KIRREL3: variants seen among roughly 807,000 people sequenced by gnomAD.
KIRREL3 encodes kirre like nephrin family adhesion molecule 3.
In KIRREL3, 36 loss-of-function variants were observed where a neutral mutation model predicts 89.7. That is an observed-to-expected ratio of 0.40 (90% CI 0.31 to 0.53). The LOEUF (loss-of-function observed/expected upper bound fraction) is 0.53, where lower values mean the gene tolerates loss of function less well. Among genes scored for constraint, KIRREL3 ranks in the 20% least tolerant of loss-of-function variants. The pLI, the probability that KIRREL3 is intolerant of heterozygous loss-of-function variation, is 0.49. For missense variants in KIRREL3, 864 were observed against 1,056.6 expected, an observed-to-expected ratio of 0.82 and a Z score of 2.53; for synonymous variants, 445 against 441.4, an observed-to-expected ratio of 1.01 and a Z score of -0.10.
Position 126,594,505 on chromosome 11 carries a change from A to G in KIRREL3, c.56-31593T>C, listed in dbSNP as rs1182069501. ...CTCCTTCCACTTTTTTCGCTGTGTA[A>G]CTTTAGAATTCCTTTAGCCTCGTTT... On this transcript the variant is annotated intron_variant, in intron 1 of 16. Transcript: ENST00000525144. This position sits in a 1 kb window ranked among gnomAD's most constrained non-coding sequence, Gnocchi z 5.0. 1.3e-5 allele frequency among the ~76,000 whole-genome samples: 2 copies of G among 152,148 alleles called. No individual in the cohort carries two copies. Among genetic ancestry groups the G allele is most frequent in the African/African-American group, 2.4e-5 (1 of 41,416 alleles).
chr11:126,500,469 G>A (rs764329374), intron 4 of KIRREL3, among the ~76,000 whole-genome samples: 2 of 152,222 alleles, frequency 1.3e-5, no homozygotes, highest in Non-Finnish European at 2.9e-5. Flanking sequence ...GCTGGACACA[G>A]TGGCTCATGC....
At chr11:126,850,189 G>C (rs1182568049) in intron 1 of KIRREL3, among the ~76,000 whole-genome samples, 1 of 152,162 alleles carries the variant, frequency 6.6e-6, no homozygotes, top group East Asian at 1.9e-4. Context: ...GAGCACTTTG[G>C]AATTTCCAAA....
chr11:126,467,114 G>A (rs535101665), intron 5 of KIRREL3, among the ~76,000 whole-genome samples: 33 of 152,382 alleles, frequency 2.2e-4, no homozygotes, highest in Middle Eastern at 3.4e-3. Flanking sequence ...ACACCCCCGT[G>A]GGTATGTGCG....
intron 1 of KIRREL3, among the ~76,000 whole-genome samples, chr11:126,706,878 A>G (rs1048603845): frequency 2.6e-5 from 4 of 152,028 alleles, no homozygotes; most frequent in Non-Finnish European, 4.4e-5. Flanking sequence ...ATGACAAATG[A>G]AAGAAATTAG....
chr11:126,881,986 T>C (rs4256991), intron 1 of KIRREL3, among the ~76,000 whole-genome samples: 93,107 of 151,468 alleles, frequency 0.61, 30,106 homozygotes, highest in African/African-American at 0.82. Context: ...GGTGCATGTA[T>C]GTAGGGGTGT....
chr11:126,732,404 A>G (rs1274425563), intron 1 of KIRREL3, among the ~76,000 whole-genome samples: 2 of 152,226 alleles, frequency 1.3e-5, no homozygotes, highest in Admixed American at 1.3e-4. Flanking sequence ...TATAGTAAGC[A>G]CACAAAGAAA....
chr11:126,800,220 C>A (rs1469661963), intron 1 of KIRREL3, among the ~76,000 whole-genome samples: 1 of 152,130 alleles, frequency 6.6e-6, no homozygotes, highest in Non-Finnish European at 1.5e-5. Flanking sequence ...TTAACTTGGG[C>A]CATTTAGAAT....
intron 1 of KIRREL3, among the ~76,000 whole-genome samples, chr11:126,861,183 A>T (rs535561915): frequency 6.6e-6 from 1 of 152,168 alleles, no homozygotes; most frequent in Non-Finnish European, 1.5e-5. Flanking sequence ...GCTTGGTGTC[A>T]TCATTTCTGG....
At chr11:126,650,303 G>A (rs1394727970) in intron 1 of KIRREL3, among the ~76,000 whole-genome samples, 1 of 152,170 alleles carries the variant, frequency 6.6e-6, no homozygotes, top group Admixed American at 6.5e-5. Context: ...GCAAATTTCT[G>A]CAGCCAGCTT....
At position 126,904,361 on chromosome 11, in the gene KIRREL3, T is replaced by A. The variant is rs1171930866; in HGVS notation, c.55+96094A>T. Among the ~76,000 whole-genome samples, 1 of 152,176 alleles carries A rather than the reference T, an allele frequency of 6.6e-6. No individual in the cohort carries two copies. The highest frequency in any genetic ancestry group is 1.5e-5 in the Non-Finnish European group (1 of 68,028). ...TTATTTGCTATTTTGCCATTGCTAG[T>A]TAAATTGGGTCTTGATGTTTACTGC... On this transcript the variant is annotated intron_variant, in intron 1 of 16. Transcript: ENST00000525144. The surrounding 1 kb of genome is among the most constrained non-coding windows in gnomAD (Gnocchi z 4.4).
rs1958795140 is a variant in KIRREL3 at position 126,527,353 on chromosome 11, T to C, written c.134-666A>G. ...ACAATCACTTGGGAAAAAATCATTA[T>C]GGACACCATGCCTCCTCAAAACGAG... On this transcript the variant is annotated intron_variant, in intron 2 of 16. Coordinates refer to ENST00000525144, the MANE Select transcript of KIRREL3 (RefSeq NM_032531.4). The surrounding 1 kb of genome is among the most constrained non-coding windows in gnomAD (Gnocchi z 4.2). 6.6e-6 allele frequency among the ~76,000 whole-genome samples: 1 copy of C among 152,158 alleles called. No individual in the cohort carries two copies. Among genetic ancestry groups the C allele is most frequent in the South Asian group, 2.1e-4 (1 of 4,824 alleles).
chr11:126,425,864 G>A, intron 15 of KIRREL3, 140 bp from the exon 16 acceptor site: 1 of 641,140 alleles, frequency 1.6e-6, no homozygotes, highest in Non-Finnish European at 2.7e-6. Flanking sequence ...ATGTGAAAGA[G>A]TCAAGATGAG....
At chr11:126,869,300 G>A (rs1177644146) in intron 1 of KIRREL3, among the ~76,000 whole-genome samples, 3 of 151,952 alleles carry the variant, frequency 2.0e-5, no homozygotes, top group Non-Finnish European at 4.4e-5. Flanking sequence ...TGATGCTGAG[G>A]GCTATTCTGT....
intron 1 of KIRREL3, among the ~76,000 whole-genome samples, chr11:126,816,148 T>C (rs1445689797): frequency 1.3e-5 from 2 of 152,218 alleles, no homozygotes; most frequent in African/African-American, 4.8e-5. Flanking sequence ...ATAATTGCCG[T>C]ATTGGAGTCT....
chr11:127,001,037 T>A (rs1565491755), upstream of KIRREL3: 1 of 175,606 alleles, frequency 5.7e-6, no homozygotes. Flanking sequence ...AAAGGCATCT[T>A]GAGCTTGGAG....
At chr11:126,539,688 T>A (rs1938201208) in intron 2 of KIRREL3, among the ~76,000 whole-genome samples, 1 of 152,088 alleles carries the variant, frequency 6.6e-6, no homozygotes, top group African/African-American at 2.4e-5. Context: ...GGCAGTGAGT[T>A]CAGTTTTAAA....
rs936964769 is a variant in KIRREL3, at chr11:126,498,468, C to T, written c.433+22847G>A. On this transcript the variant is annotated intron_variant, in intron 4 of 16. Transcript: ENST00000525144. The surrounding 1 kb of genome is among the most constrained non-coding windows in gnomAD (Gnocchi z 4.3). ...CTGCTAATTGTCGCTAGGCATCACACTATCCTGTCTGTCAGGTAAGGGGTG... is the reference window on the plus strand; with the variant it reads ...CTGCTAATTGTCGCTAGGCATCACATTATCCTGTCTGTCAGGTAAGGGGTG... 6.6e-5 allele frequency among the ~76,000 whole-genome samples: 10 copies of T among 152,204 alleles called. No homozygotes were observed. The highest frequency in any genetic ancestry group is 2.4e-4 in the African/African-American group (10 of 41,438).
chr11:126,526,772 G>A lies in KIRREL3; in HGVS notation c.134-85C>T. ...CCCTCCAGCTATGGAAGCAGAGCAG[G>A]GCTGGCGCAGGAGACTGAGCCTCCT... On this transcript the variant is annotated intron_variant, in intron 2 of 16. Transcript: ENST00000525144. This position sits in a 1 kb window ranked among gnomAD's most constrained non-coding sequence, Gnocchi z 5.7. 2 of 1,433,024 alleles carry A rather than the reference G, an allele frequency of 1.4e-6. No homozygotes were observed. The allele number at this position is 1,433,024 out of a possible 1,614,324, so 88.8% of individuals were successfully genotyped here. A position where few individuals can be genotyped will look rare whatever the true frequency, so the allele number is the denominator to read the frequency against.
Position 126,687,324 on chromosome 11 carries a change from G to A in KIRREL3, c.56-124412C>T, listed in dbSNP as rs575521720. Among the ~76,000 whole-genome samples the A allele has an allele frequency of 1.6e-3, 251 of 152,262 alleles. No homozygotes were observed. Among genetic ancestry groups the A allele is most frequent in the Non-Finnish European group, 3.0e-3 (205 of 68,012 alleles). ...AATTGCCTTCAAATTAGCACAGAGA[G>A]GGAAAAATCAACGCATACCTCCCAA... On this transcript the variant is annotated intron_variant, in intron 1 of 16. Transcript: ENST00000525144. This position sits in a 1 kb window ranked among gnomAD's most constrained non-coding sequence, Gnocchi z 4.6.
Sources: allele counts gnomAD v4.1 joint callset (sites outside exome capture counted in the v4.1 genomes callset), GRCh38; gene constraint gnomAD v4.1.1; non-coding constraint Gnocchi (gnomAD v3.1); transcripts MANE v1.5; gene names NCBI Gene and HGNC (gene_info 2026-07-23, HGNC 2026-07-21).